PDCL: variants seen among roughly 807,000 people sequenced by gnomAD.
PDCL encodes the protein phosducin-like protein.
Under a neutral mutation model 26.7 loss-of-function variants are expected in PDCL, and 11 were observed. The ratio of observed to expected loss-of-function variants is 0.41; its 90% CI spans 0.26 to 0.68. The LOEUF (loss-of-function observed/expected upper bound fraction) is 0.68, where lower values mean the gene tolerates loss of function less well. PDCL is among the 30% of genes least tolerant of loss of function. PDCL has a pLI of 0.30. For missense variants in PDCL, 330 were observed against 371.6 expected (o/e 0.89, Z 0.92); for synonymous variants, 118 against 134.9 (o/e 0.87, Z 0.87).
At position 122,828,565 on chromosome 9, in the gene PDCL, C is replaced by T. The variant is rs1162952767; in HGVS notation, c.-100G>A. ...TAAGAGGAAGAGCAGTGGGTCAGCGCCCTGAGCGCTAAAGAGAAAAGCCGC... is the reference window on the plus strand; with the variant it reads ...TAAGAGGAAGAGCAGTGGGTCAGCGTCCTGAGCGCTAAAGAGAAAAGCCGC... On this transcript the variant is annotated 5_prime_UTR_variant, in exon 1 of 4. Transcript: ENST00000259467. The T allele has an allele frequency of 6.6e-6, 1 of 152,360 alleles. No individual in the cohort carries two copies. Among genetic ancestry groups the T allele is most frequent in the Middle Eastern group, 3.4e-3 (1 of 292 alleles). 9.4% of individuals were successfully genotyped at this position (152,360 alleles called of 1,614,324 possible).
intron 1 of PDCL, 74 bp from the exon 2 acceptor site, chr9:122,826,866 C>T (rs1829635798): frequency 2.1e-6 from 3 of 1,399,270 alleles, no homozygotes; most frequent in South Asian, 1.2e-5. Flanking sequence ...ATAGGGGGCT[C>T]GCCTGTGCTG....
rs1259127859 is a variant in PDCL at position 122,819,788 on chromosome 9, C to A, written c.*297G>T. On this transcript the variant is annotated 3_prime_UTR_variant, in exon 4 of 4. Coordinates refer to ENST00000259467, the MANE Select transcript of PDCL (RefSeq NM_005388.5). ...TCATCTGAAGACAATTTCCAAGACC[C>A]TGTCTTTAGGATGCTTTGTAAATAT... 2 of 246,830 alleles carry A rather than the reference C, an allele frequency of 8.1e-6. No individual in the cohort carries two copies. Among genetic ancestry groups the A allele is most frequent in the Non-Finnish European group, 1.5e-5 (2 of 130,558 alleles). The allele number at this position is 246,830 out of a possible 1,614,324, so 15.3% of individuals were successfully genotyped here.
chr9:122,824,097 T>A lies in PDCL; in HGVS notation c.173-900A>T, dbSNP rs556190827. Among the ~76,000 whole-genome samples, 184 of 152,324 alleles carry A rather than the reference T, an allele frequency of 1.2e-3. No homozygotes were observed. The Middle Eastern group carries it at 0.014, about 11-fold the overall frequency. ...TCTGAATTTTTTATAACAATTTTTTTATAACAAGATTGTAATACAACCTGT... is the reference window on the plus strand; with the variant it reads ...TCTGAATTTTTTATAACAATTTTTTAATAACAAGATTGTAATACAACCTGT... On this transcript the variant is annotated intron_variant, in intron 2 of 3. Coordinates refer to ENST00000259467, the MANE Select transcript of PDCL (RefSeq NM_005388.5).
rs1427186934 is a variant in PDCL, at chr9:122,820,382, G to A, written c.609C>T (p.Ile203=). Residue 203 remains isoleucine, a synonymous_variant, in exon 4 of 4, where the codon ATC becomes ATT. Transcript: ENST00000259467. ...PGTEAMNGCM[I]CLAAEYPAVK... ...CAGCTGGGTACTCTGCGGCAAGGCAGATCATGCAACCATTCATGGCTTCGG... is the reference window on the plus strand; with the variant it reads ...CAGCTGGGTACTCTGCGGCAAGGCAAATCATGCAACCATTCATGGCTTCGG... 1.2e-6 allele frequency: 2 copies of A among 1,614,192 alleles called. No individual in the cohort carries two copies.
At position 122,819,683 on chromosome 9, in the gene PDCL, T is replaced by G. The variant is rs1216649953; in HGVS notation, c.*402A>C. On this transcript the variant is annotated 3_prime_UTR_variant, in exon 4 of 4. Transcript: ENST00000259467. The stretch of plus-strand genomic sequence containing the variant: ...TAAATATAATTTACAATCATTTGAT[T>G]AAGAAAATGCACTATTTACGTTGCA... 1 of 155,992 alleles carries G rather than the reference T, an allele frequency of 6.4e-6. No homozygotes were observed. Among genetic ancestry groups the G allele is most frequent in the East Asian group, 1.9e-4 (1 of 5,270 alleles). 9.7% of individuals were successfully genotyped at this position (155,992 alleles called of 1,614,324 possible).
rs1429183801 is a variant in PDCL, at chr9:122,823,043, T to C, written c.327A>G (p.Lys109=). ...LDEEEEQQKQ[K]DLQEKISGKM... ...TCCCACTGATCTTCTCCTGGAGGTCTTTCTGTTTCTGTTGCTCCTCCTCTT... is the reference window on the plus strand; with the variant it reads ...TCCCACTGATCTTCTCCTGGAGGTCCTTCTGTTTCTGTTGCTCCTCCTCTT... Residue 109 remains lysine (K), a synonymous_variant, in exon 3 of 4, where the codon AAA becomes AAG. Transcript: ENST00000259467. 1 of 1,614,208 alleles carries C rather than the reference T, an allele frequency of 6.2e-7. No homozygotes were observed. Among genetic ancestry groups the C allele is most frequent in the South Asian group, 1.1e-5 (1 of 91,078 alleles).
chr9:122,826,065 C>T (rs1829620255), intron 2 of PDCL, among the ~76,000 whole-genome samples: 1 of 151,984 alleles, frequency 6.6e-6, no homozygotes, highest in South Asian at 2.1e-4. Context: ...GCACTCCAGC[C>T]TGAGCAACAA....
At chr9:122,824,786 G>A (rs930079235) in intron 2 of PDCL, among the ~76,000 whole-genome samples, 3 of 152,058 alleles carry the variant, frequency 2.0e-5, no homozygotes, top group Admixed American at 6.6e-5. Context: ...ATATGTGTCC[G>A]GCTCCTAAAT....
At chr9:122,824,268 G>T (rs968780152) in intron 2 of PDCL, among the ~76,000 whole-genome samples, 1 of 152,164 alleles carries the variant, frequency 6.6e-6, no homozygotes, top group Non-Finnish European at 1.5e-5. Context: ...TTGACTATGC[G>T]ACTTGCTGGC....
chr9:122,820,910 A>G (rs1223189898), intron 3 of PDCL: 2 of 354,340 alleles, frequency 5.6e-6, no homozygotes, highest in South Asian at 2.7e-5. Context: ...CACAACAAGA[A>G]TCACTTGAAC....
chr9:122,827,756 T>C (rs1264785971), intron 1 of PDCL, among the ~76,000 whole-genome samples: 2 of 151,836 alleles, frequency 1.3e-5, no homozygotes. Flanking sequence ...ACTAAAAATA[T>C]AAAGGACCAG....
chr9:122,825,657 T>C (rs1489619799), intron 2 of PDCL, among the ~76,000 whole-genome samples: 1 of 152,116 alleles, frequency 6.6e-6, no homozygotes, highest in Non-Finnish European at 1.5e-5. Context: ...TTACCACTCA[T>C]ATCACAGATT....
At position 122,826,751 on chromosome 9, in the gene PDCL, G is replaced by A. The variant is rs748545514; in HGVS notation, c.37C>T (p.Leu13=). 14 of 1,613,968 alleles carry A rather than the reference G, an allele frequency of 8.7e-6. No individual in the cohort carries two copies. In the South Asian group the frequency reaches 1.3e-4, roughly 15 times the overall value. The change falls in exon 2 of 4, where the codon CTG becomes TTG. Residue 13 remains leucine (L), a synonymous_variant. Coordinates refer to ENST00000259467, the MANE Select transcript of PDCL (RefSeq NM_005388.5). ...TLDDKLLGEK[L]QYYYSSSEDE... ...TCACTGCTGCTATAGTAGTACTGCA[G>A]TTTCTCCCCCAGCAACTTATCATCA...
At chr9:122,821,534 T>C (rs1829554127) in intron 3 of PDCL, among the ~76,000 whole-genome samples, 1 of 152,146 alleles carries the variant, frequency 6.6e-6, no homozygotes, top group Admixed American at 6.5e-5. Flanking sequence ...ATAACCTGCT[T>C]TCGAGACTTA....
chr9:122,826,202 G>A (rs996074382), intron 2 of PDCL, among the ~76,000 whole-genome samples: 1 of 152,212 alleles, frequency 6.6e-6, no homozygotes, highest in African/African-American at 2.4e-5. Context: ...ACAGTAGGAG[G>A]TCAAGTGTAC....
intron 2 of PDCL, among the ~76,000 whole-genome samples, chr9:122,823,681 T>C (rs1829584265): frequency 6.6e-6 from 1 of 152,194 alleles, no homozygotes; most frequent in Non-Finnish European, 1.5e-5. Flanking sequence ...TGTAAGCTGT[T>C]AACAGTGGTT....
chr9:122,821,894 G>A (rs1369704587), intron 3 of PDCL, among the ~76,000 whole-genome samples: 2 of 151,998 alleles, frequency 1.3e-5, no homozygotes, highest in African/African-American at 4.8e-5. Flanking sequence ...ATAGATTAGG[G>A]AACAGGGAGT....
chr9:122,826,565 T>G (rs1003099973), intron 2 of PDCL, 51 bp downstream of exon 2: 2 of 1,467,268 alleles, frequency 1.4e-6, no homozygotes, highest in East Asian at 2.4e-5. Flanking sequence ...TTAATATGTA[T>G]TTAATGTACA....
chr9:122,820,004 C>T lies in PDCL; in HGVS notation c.*81G>A. On this transcript the variant is annotated 3_prime_UTR_variant, in exon 4 of 4. Coordinates refer to ENST00000259467, the MANE Select transcript of PDCL (RefSeq NM_005388.5). ...GGACTACAAAGAACAGCTGAAAAGC[C>T]AGAAGACAAAGGAACAAAAATAAAC... 2 of 1,217,818 alleles carry T rather than the reference C, an allele frequency of 1.6e-6. No homozygotes were observed. Among genetic ancestry groups the T allele is most frequent in the Non-Finnish European group, 2.3e-6 (2 of 868,076 alleles). The allele number at this position is 1,217,818 out of a possible 1,614,324, so 75.4% of individuals were successfully genotyped here. A position where few individuals can be genotyped will look rare whatever the true frequency, so the allele number is the denominator to read the frequency against.
Sources: gnomAD v4.1 joint callset for allele counts (sites outside exome capture counted in the v4.1 genomes callset) on GRCh38, gnomAD v4.1.1 for gene constraint, MANE v1.5 for transcripts, NCBI Gene and HGNC (gene_info 2026-07-23, HGNC 2026-07-21) for gene names.